RGS7: variants seen among roughly 807,000 people sequenced by gnomAD.
RGS7 encodes regulator of G-protein signaling 7.
In RGS7, 27 loss-of-function variants were observed where a neutral mutation model predicts 81.1. The observed-to-expected ratio is 0.33, with a 90% CI of 0.25 to 0.46. RGS7 has a LOEUF of 0.46. RGS7 is among the 20% of genes least tolerant of loss of function. The pLI, the probability that RGS7 is intolerant of heterozygous loss-of-function variation, is 1.00. For missense variants in RGS7, 396 were observed against 607.4 expected (o/e 0.65, Z 3.66); for synonymous variants, 208 against 207.7 (o/e 1.00, Z -0.01).
chr1:240,835,830 C>A (rs1047702588), intron 9 of RGS7, among the ~76,000 whole-genome samples: 3 of 152,124 alleles, frequency 2.0e-5, no homozygotes, highest in Non-Finnish European at 4.4e-5. Context: ...AGAAGCCAAT[C>A]TGAAAAAGCC....
intron 2 of RGS7, among the ~76,000 whole-genome samples, chr1:241,191,228 C>T (rs1239129469): frequency 6.6e-6 from 1 of 152,176 alleles, no homozygotes; most frequent in African/African-American, 2.4e-5. Flanking sequence ...GATCCACCCT[C>T]CTTAGCCTCC....
intron 2 of RGS7, among the ~76,000 whole-genome samples, chr1:241,121,986 G>A (rs895490325): frequency 1.3e-5 from 2 of 152,142 alleles, no homozygotes; most frequent in Admixed American, 6.5e-5. Flanking sequence ...TTACAGGCAT[G>A]AGCCACTGTG....
intron 3 of RGS7, among the ~76,000 whole-genome samples, chr1:241,016,669 T>C (rs1254352413): frequency 6.6e-6 from 1 of 151,954 alleles, no homozygotes; most frequent in African/African-American, 2.4e-5. Context: ...GGGACTAGAG[T>C]ACTAATGTCT....
At position 240,868,765 on chromosome 1, in the gene RGS7, C is replaced by T. The variant is rs776577468; in HGVS notation, c.527+11G>A. The T allele has an allele frequency of 5.6e-6, 9 of 1,613,824 alleles. No homozygotes were observed. The highest frequency in any genetic ancestry group is 7.6e-6 in the Non-Finnish European group (9 of 1,179,950). ...TGGAACAAATCTTCCAAACGACTCA[C>T]AAGGACTCACTTTGCTTGTGCTTCT... On this transcript the variant is annotated intron_variant, in intron 8 of 18. Coordinates refer to ENST00000440928, the MANE Select transcript of RGS7 (RefSeq NM_001364886.1). This position sits in a 1 kb window ranked among gnomAD's most constrained non-coding sequence, Gnocchi z 5.1.
chr1:241,127,581 T>C (rs529956176), intron 2 of RGS7, among the ~76,000 whole-genome samples: 10 of 152,150 alleles, frequency 6.6e-5, no homozygotes, highest in Non-Finnish European at 8.8e-5. Flanking sequence ...TTAGGAGATA[T>C]ACCTAATGCT....
chr1:240,940,558 G>C (rs1375933310), intron 4 of RGS7, among the ~76,000 whole-genome samples: 1 of 152,166 alleles, frequency 6.6e-6, no homozygotes, highest in Non-Finnish European at 1.5e-5. Flanking sequence ...GATAGTGTTA[G>C]CACACTTTCC....
In RGS7 at chr1:240,887,666, A is replaced by G. The variant is rs981578983; in HGVS notation, c.386-17547T>C. ...TTTGTAAACAATATCGATTAATTACATGTGTCTGTTGCATCTTGAATATAC... is the reference window on the plus strand; with the variant it reads ...TTTGTAAACAATATCGATTAATTACGTGTGTCTGTTGCATCTTGAATATAC... On this transcript the variant is annotated intron_variant, in intron 6 of 18. Transcript: ENST00000440928. Among the ~76,000 whole-genome samples the G allele has an allele frequency of 7.4e-4, 112 of 152,340 alleles. 1 individual carries two copies. Among genetic ancestry groups the G allele is most frequent in the African/African-American group, 2.6e-3 (110 of 41,566 alleles).
chr1:241,088,830 T>C (rs1337244580), intron 3 of RGS7, among the ~76,000 whole-genome samples: 1 of 151,286 alleles, frequency 6.6e-6, no homozygotes, highest in Non-Finnish European at 1.5e-5. Context: ...GCTAACACAG[T>C]GAAACCCCGT....
At chr1:240,995,363 A>G (rs2148606571) in intron 3 of RGS7, among the ~76,000 whole-genome samples, 1 of 152,286 alleles carries the variant, frequency 6.6e-6, no homozygotes, top group African/African-American at 2.4e-5. Context: ...ATGAATTGAG[A>G]GATATTCTCT....
chr1:240,852,534 T>C (rs1442013590), intron 9 of RGS7, among the ~76,000 whole-genome samples: 1 of 152,170 alleles, frequency 6.6e-6, no homozygotes, highest in African/African-American at 2.4e-5. Flanking sequence ...GATTATTATA[T>C]GGTAATTTAT....
At chr1:241,121,023 T>G (rs1157887205) in intron 2 of RGS7, among the ~76,000 whole-genome samples, 1 of 152,174 alleles carries the variant, frequency 6.6e-6, no homozygotes, top group African/African-American at 2.4e-5. Context: ...ACAGGTTATC[T>G]CTCCATGAGA....
intron 2 of RGS7, among the ~76,000 whole-genome samples, chr1:241,296,941 T>C: frequency 6.6e-6 from 1 of 152,194 alleles, no homozygotes; most frequent in East Asian, 1.9e-4. Flanking sequence ...GGGTTTTTTT[T>C]TTTTAAGTCA....
intron 6 of RGS7, chr1:240,920,155 C>A: frequency 1.0e-6 from 1 of 964,658 alleles, no homozygotes; most frequent in Non-Finnish European, 1.7e-6. Context: ...AAATACCACA[C>A]TGTGAATGGC....
intron 3 of RGS7, among the ~76,000 whole-genome samples, chr1:241,078,205 AGAGAT>A (rs1231465837): frequency 6.7e-6 from 1 of 148,884 alleles, no homozygotes; most frequent in Non-Finnish European, 1.5e-5. Context: ...TTAGATGGAG[AGAGAT>A]CAGAGGAGCA....
intron 2 of RGS7, among the ~76,000 whole-genome samples, chr1:241,124,456 C>G (rs913360079): frequency 1.3e-5 from 2 of 152,156 alleles, no homozygotes; most frequent in African/African-American, 4.8e-5. Flanking sequence ...TTTCTTCTAT[C>G]AAGCTTTATA....
intron 2 of RGS7, among the ~76,000 whole-genome samples, chr1:241,124,213 A>C (rs988785291): frequency 1.3e-5 from 2 of 150,542 alleles, no homozygotes; most frequent in African/African-American, 4.9e-5. Flanking sequence ...GGGCAACATT[A>C]GTGAGACCTC....
intron 2 of RGS7, among the ~76,000 whole-genome samples, chr1:241,232,216 C>CTCTT (rs1383584278): frequency 6.7e-6 from 1 of 148,638 alleles, no homozygotes; most frequent in Non-Finnish European, 1.5e-5. Context: ...CTCTCTTTCT[C>CTCTT]TCTCTCTTTT....
Position 241,236,361 on chromosome 1 carries a change from T to C in RGS7, c.78+119338A>G, listed in dbSNP as rs1316363863. Among the ~76,000 whole-genome samples, 7 of 152,144 alleles carry C rather than the reference T, an allele frequency of 4.6e-5. No individual in the cohort carries two copies. The East Asian group carries it at 1.4e-3, about 29-fold the overall frequency. On this transcript the variant is annotated intron_variant, in intron 2 of 18. Coordinates refer to ENST00000440928, the MANE Select transcript of RGS7 (RefSeq NM_001364886.1). ...AATTCAAGGTTTTTCTCTTTCAGTG[T>C]GTAGAGTTAGCCATAAAGCAAATTG... is the stretch of plus-strand genomic sequence containing the variant.
At chr1:240,823,599 G>A (rs1692223197) in intron 10 of RGS7, among the ~76,000 whole-genome samples, 1 of 152,334 alleles carries the variant, frequency 6.6e-6, no homozygotes, top group South Asian at 2.1e-4. Context: ...GCGACAAGAC[G>A]ACACGCCGCG....
Sources: allele counts gnomAD v4.1 joint callset (sites outside exome capture counted in the v4.1 genomes callset), GRCh38; gene constraint gnomAD v4.1.1; non-coding constraint Gnocchi (gnomAD v3.1); transcripts MANE v1.5; gene names NCBI Gene and HGNC (gene_info 2026-07-23, HGNC 2026-07-21).